Variants in CCDC66 observed in about 807,000 individuals in gnomAD.
CCDC66 encodes coiled-coil domain-containing protein 66.
CCDC66 carries 133 observed loss-of-function variants against 128.3 expected under a neutral mutation model. The observed-to-expected ratio is 1.04, with a 90% CI of 0.90 to 1.20. The LOEUF is 1.20. Among genes scored for constraint, CCDC66 ranks in the 50% most tolerant of loss-of-function variants. The pLI is 0.00. For missense variants in CCDC66, 1,126 were observed against 1,075.5 expected (o/e 1.05, Z -0.66); for synonymous variants, 387 against 357.0 (o/e 1.08, Z -0.95).
chr3:56,558,508 C>A lies in CCDC66; in HGVS notation c.12-338C>A, dbSNP rs946300312. Among the ~76,000 whole-genome samples the A allele has an allele frequency of 2.0e-5, 3 of 152,190 alleles. No individual in the cohort carries two copies. The East Asian group carries it at 5.8e-4, about 29-fold the overall frequency. On this transcript the variant is annotated intron_variant, in intron 1 of 17. Coordinates refer to ENST00000394672, the MANE Select transcript of CCDC66 (RefSeq NM_001141947.3). Reference sequence around the variant, plus strand: ...ACTAATGAATGGCGGTTAAATATATCTTGTTCCTTTAACTTATGTGAGGAG... The same window carrying A: ...ACTAATGAATGGCGGTTAAATATATATTGTTCCTTTAACTTATGTGAGGAG...
chr3:56,567,777 C>A (rs2066066578), intron 6 of CCDC66, among the ~76,000 whole-genome samples: 1 of 151,850 alleles, frequency 6.6e-6, no homozygotes, highest in Admixed American at 6.6e-5. Flanking sequence ...ACTGCAAGCT[C>A]CACCTCCCGG....
At chr3:56,614,271 A>C (rs1246129007) in intron 11 of CCDC66, among the ~76,000 whole-genome samples, 1 of 152,252 alleles carries the variant, frequency 6.6e-6, no homozygotes, top group African/African-American at 2.4e-5. Context: ...TGAGGAGGTC[A>C]AGATGAATTA....
At position 56,597,777 on chromosome 3, in the gene CCDC66, G is replaced by GTTTTTTTTTTTTTTTTTTTTTTTTTT; in HGVS notation, c.1404+3764_1404+3765insTTTTTTTTTTTTTTTTTTTTTTTTTT. 6.5e-4 allele frequency among the ~76,000 whole-genome samples: 57 copies of GTTTTTTTTTTTTTTTTTTTTTTTTTT among 87,946 alleles called. 9 individuals are homozygous for GTTTTTTTTTTTTTTTTTTTTTTTTTT. The highest frequency in any genetic ancestry group is 1.4e-3 in the African/African-American group (34 of 23,806). The allele number at this position is 87,946 out of a possible 152,430, so 57.7% of individuals were successfully genotyped here. A position where few individuals can be genotyped will look rare whatever the true frequency, so the allele number is the denominator to read the frequency against. On this transcript the variant is annotated intron_variant, in intron 10 of 17. Transcript: ENST00000394672. Reference sequence around the variant, plus strand: ...TGTGGAGTCTAGGTTTTGTTTTGGGGTTTTTTTTTTTTTTTGAGACAGAGC... The same window carrying GTTTTTTTTTTTTTTTTTTTTTTTTTT: ...TGTGGAGTCTAGGTTTTGTTTTGGGGTTTTTTTTTTTTTTTTTTTTTTTTTTTTTTTTTTTTTTTTTGAGACAGAGC...
chr3:56,558,949 A>T (rs1212235972), intron 2 of CCDC66, 39 bp downstream of exon 2: 8 of 1,361,548 alleles, frequency 5.9e-6, no homozygotes, highest in Non-Finnish European at 8.1e-6. Context: ...TTAACTTTTA[A>T]ATTCATACAT....
At chr3:56,617,831 C>G (rs966654878) in intron 14 of CCDC66, 1 of 587,138 alleles carries the variant, frequency 1.7e-6, no homozygotes, top group Non-Finnish European at 2.9e-6. Flanking sequence ...CTTCACACAC[C>G]AGACTAGCAA....
chr3:56,583,176 A>G (rs2068734269), intron 7 of CCDC66, among the ~76,000 whole-genome samples: 1 of 151,762 alleles, frequency 6.6e-6, no homozygotes, highest in South Asian at 2.1e-4. Context: ...CAACTTTCTG[A>G]CTTTTAAAAA....
chr3:56,584,285 A>C (rs2069115913), intron 7 of CCDC66, among the ~76,000 whole-genome samples: 1 of 139,984 alleles, frequency 7.1e-6, no homozygotes, highest in Non-Finnish European at 1.5e-5. Context: ...GGGGCTCCTC[A>C]CTTCTCAGAC....
At chr3:56,586,152 T>C (rs2069671688) in intron 7 of CCDC66, among the ~76,000 whole-genome samples, 1 of 151,946 alleles carries the variant, frequency 6.6e-6, no homozygotes, top group African/African-American at 2.4e-5. Context: ...TTGTGCAAAG[T>C]GTTTAGCTGT....
At chr3:56,613,558 G>T (rs1181913467) in intron 10 of CCDC66, 31 bp from the exon 11 acceptor site, 3 of 1,596,370 alleles carry the variant, frequency 1.9e-6, no homozygotes, top group South Asian at 2.3e-5. Flanking sequence ...TTTTATTTTT[G>T]ACAATGATTT....
At chr3:56,597,776 G>GTATTTTTTTTTTTTTTTTT (rs753875788) in intron 10 of CCDC66, among the ~76,000 whole-genome samples, 1 of 61,858 alleles carries the variant, frequency 1.6e-5, no homozygotes, top group Non-Finnish European at 2.6e-5. Context: ...TTTGTTTTGG[G>GTATTTTTTTTTTTTTTTTT]GTTTTTTTTT....
intron 6 of CCDC66, among the ~76,000 whole-genome samples, chr3:56,567,507 A>G (rs1031686937): frequency 5.3e-5 from 8 of 152,212 alleles, no homozygotes; most frequent in African/African-American, 1.9e-4. Flanking sequence ...AAATTAATAA[A>G]AGGCATACAA....
chr3:56,587,596 C>T (rs1316045407), intron 7 of CCDC66, among the ~76,000 whole-genome samples: 1 of 152,106 alleles, frequency 6.6e-6, no homozygotes, highest in Non-Finnish European at 1.5e-5. Flanking sequence ...TTAGGCTGGG[C>T]GTGGTGGCTC....
intron 11 of CCDC66, among the ~76,000 whole-genome samples, chr3:56,614,902 G>C (rs1395786007): frequency 6.6e-6 from 1 of 152,114 alleles, no homozygotes; most frequent in Non-Finnish European, 1.5e-5. Context: ...GTATAAATTT[G>C]AAATGGGTAA....
chr3:56,558,132 C>A (rs1202929359), intron 1 of CCDC66, among the ~76,000 whole-genome samples: 1 of 152,156 alleles, frequency 6.6e-6, no homozygotes, highest in Admixed American at 6.5e-5. Context: ...CCGCAAATTT[C>A]GCATTCCTAA....
rs1023137003 is a variant in CCDC66 at position 56,557,181 on chromosome 3, C to T, written c.-62C>T. ...AATTGGCGTAGCGCTTGCTGAGCGG[C>T]GGCGGCAACCGACGTACACAAGGGG... On this transcript the variant is annotated 5_prime_UTR_variant, in exon 1 of 18. Transcript: ENST00000394672. The T allele has an allele frequency of 1.3e-6, 2 of 1,550,024 alleles. No individual in the cohort carries two copies. Among genetic ancestry groups the T allele is most frequent in the Non-Finnish European group, 1.7e-6 (2 of 1,145,966 alleles).
rs2076045799 is a variant in CCDC66, at chr3:56,619,472, C to T, written c.2580C>T (p.Pro860=). 5 of 1,613,806 alleles carry T rather than the reference C, an allele frequency of 3.1e-6. No individual in the cohort carries two copies. Among genetic ancestry groups the T allele is most frequent in the Admixed American group, 1.7e-5 (1 of 59,976 alleles). ...CAAATGAGATCTATTACCTTGATCCCGATGCACCATTGTCTGGGCCTTCAA... is the reference window on the plus strand; with the variant it reads ...CAAATGAGATCTATTACCTTGATCCTGATGCACCATTGTCTGGGCCTTCAA... ...VRTNEIYYLD[P]DAPLSGPSTQ... The change falls in exon 16 of 18, where the codon CCC becomes CCT. Residue 860 remains proline, a synonymous_variant. Coordinates refer to ENST00000394672, the MANE Select transcript of CCDC66 (RefSeq NM_001141947.3).
chr3:56,617,060 T>TTA, intron 13 of CCDC66, 52 bp from the exon 14 acceptor site: 1 of 1,321,320 alleles, frequency 7.6e-7, no homozygotes, highest in Non-Finnish European at 1.0e-6. Flanking sequence ...AATTATTTAA[T>TTA]ATTGAAAATT....
chr3:56,616,772 T>C (rs541147127), intron 13 of CCDC66: 5 of 204,720 alleles, frequency 2.4e-5, no homozygotes, highest in Middle Eastern at 1.9e-3. Context: ...CATCAGTGCA[T>C]GTGGGTTCTG....
At chr3:56,575,420 T>G (rs2067222598) in intron 7 of CCDC66, among the ~76,000 whole-genome samples, 1 of 151,850 alleles carries the variant, frequency 6.6e-6, no homozygotes, top group Non-Finnish European at 1.5e-5. Context: ...CCTTTGCCCA[T>G]TTCAGTCAGG....
Sources: gnomAD v4.1 joint callset for allele counts (sites outside exome capture counted in the v4.1 genomes callset) on GRCh38, gnomAD v4.1.1 for gene constraint, MANE v1.5 for transcripts, NCBI Gene and HGNC (gene_info 2026-07-23, HGNC 2026-07-21) for gene names.